The following SLC15A1 variants were observed in gnomAD, a reference collection of about 807,000 sequenced individuals.
SLC15A1 encodes the protein solute carrier family 15 member 1, also known as Caco-2 oligopeptide transporter.
Under a neutral mutation model 92.9 loss-of-function variants are expected in SLC15A1, and 83 were observed. The ratio of observed to expected loss-of-function variants is 0.89; its 90% CI spans 0.75 to 1.07. The LOEUF (loss-of-function observed/expected upper bound fraction) is 1.07, where lower values mean the gene tolerates loss of function less well. Among genes scored for constraint, SLC15A1 ranks in the 50% least tolerant of loss-of-function variants. SLC15A1 has a pLI of 0.00. For missense variants in SLC15A1, 857 were observed against 880.1 expected (o/e 0.97, Z 0.33); for synonymous variants, 322 against 318.2 (o/e 1.01, Z -0.13).
chr13:98,741,750 C>CCTT (rs1383041420), intron 1 of SLC15A1, among the ~76,000 whole-genome samples: 3 of 149,888 alleles, frequency 2.0e-5, no homozygotes, highest in Non-Finnish European at 4.4e-5. Flanking sequence ...AAAAAGGCCT[C>CCTT]CTTTTCCACG....
At position 98,726,357 on chromosome 13, in the gene SLC15A1, A is replaced by G. The variant is rs1203640064; in HGVS notation, c.103+11T>C. The G allele has an allele frequency of 1.9e-6, 3 of 1,614,240 alleles. No individual in the cohort carries two copies. The highest frequency in any genetic ancestry group is 2.2e-5 in the East Asian group (1 of 44,884). The stretch of plus-strand genomic sequence containing the variant: ...CTTCCCTGAAGGGTGAGAAACGGCC[A>G]ATACAGTTACCTCGCATTCCATAGT... On this transcript the variant is annotated intron_variant, in intron 3 of 22. Coordinates refer to ENST00000376503, the MANE Select transcript of SLC15A1 (RefSeq NM_005073.4).
intron 10 of SLC15A1, 83 bp downstream of exon 10, chr13:98,712,415 A>T (rs1183474271): frequency 1.6e-5 from 17 of 1,091,826 alleles, no homozygotes; most frequent in South Asian, 2.6e-5. Flanking sequence ...CATTTTGTCC[A>T]TGTAACCTTA....
chr13:98,698,747 A>C (rs2088043519), intron 18 of SLC15A1, among the ~76,000 whole-genome samples: 5 of 152,172 alleles, frequency 3.3e-5, no homozygotes, highest in Admixed American at 3.3e-4. Context: ...TACATTCGTA[A>C]GTTAATAGAC....
In SLC15A1 at chr13:98,726,214, A is replaced by G. The variant is rs772001248; in HGVS notation, c.154T>C (p.Ser52Pro). The change falls in exon 4 of 23, where the codon TCC becomes CCC. Residue 52 changes from serine (S) to proline (P), a missense_variant. Coordinates refer to ENST00000376503, the MANE Select transcript of SLC15A1 (RefSeq NM_005073.4). ...ACAAACGTATGGTAGATGGCGGTGG[A>G]CAGGTTATCATCCCAGCTGATGAAA... Reference protein sequence around the residue: ...TNFISWDDNLSTAIYHTFVAL... With the variant: ...TNFISWDDNLPTAIYHTFVAL... 1.7e-5 allele frequency: 27 copies of G among 1,614,074 alleles called. 1 individual carries two copies. In the South Asian group the frequency reaches 3.0e-4, roughly 18 times the overall value.
At position 98,715,156 on chromosome 13, in the gene SLC15A1, C is replaced by T. The variant is rs1287824059; in HGVS notation, c.723+722G>A. ...ATCTTTGTACATGAGTCTGTGTTCA[C>T]TTTTTAAATATTTTTTTCTTACTCT... On this transcript the variant is annotated intron_variant, in intron 9 of 22. Transcript: ENST00000376503. 7.2e-5 allele frequency among the ~76,000 whole-genome samples: 11 copies of T among 152,076 alleles called. No homozygotes were observed. The South Asian group carries it at 1.9e-3, about 26-fold the overall frequency.
intron 1 of SLC15A1, among the ~76,000 whole-genome samples, chr13:98,728,798 T>C (rs939393109): frequency 2.0e-5 from 3 of 151,362 alleles, no homozygotes; most frequent in South Asian, 2.1e-4. Flanking sequence ...CTGGCCAACA[T>C]GGTGAACCCC....
chr13:98,692,060 C>A (rs1381379119), intron 18 of SLC15A1, among the ~76,000 whole-genome samples: 1 of 147,914 alleles, frequency 6.8e-6, no homozygotes, highest in African/African-American at 2.5e-5. Flanking sequence ...GCAACAAGAG[C>A]GAAACTCCAT....
At position 98,693,867 on chromosome 13, in the gene SLC15A1, G is replaced by T. The variant is rs1472666644; in HGVS notation, c.1467-5290C>A. Reference sequence around the variant, plus strand: ...AGGGAAAGCGAAGCTTGGGAACAGAGTCACACAATACTGGCTTCCCTTTGT... The same window carrying T: ...AGGGAAAGCGAAGCTTGGGAACAGATTCACACAATACTGGCTTCCCTTTGT... On this transcript the variant is annotated intron_variant, in intron 18 of 22. Coordinates refer to ENST00000376503, the MANE Select transcript of SLC15A1 (RefSeq NM_005073.4). Among the ~76,000 whole-genome samples the T allele has an allele frequency of 2.0e-5, 3 of 152,332 alleles. No homozygotes were observed. In the East Asian group the frequency reaches 5.8e-4, roughly 29 times the overall value.
intron 20 of SLC15A1, 135 bp from the exon 21 acceptor site, chr13:98,687,859 G>C: frequency 9.6e-7 from 1 of 1,036,846 alleles, no homozygotes; most frequent in East Asian, 2.6e-5. Context: ...TTAAACATAA[G>C]GCAACACTGC....
In SLC15A1 at chr13:98,683,935, A is replaced by G. The variant is rs1034361203; in HGVS notation, c.*789T>C. The G allele has an allele frequency of 1.3e-5, 2 of 152,242 alleles. No individual in the cohort carries two copies. The highest frequency in any genetic ancestry group is 2.9e-5 in the Non-Finnish European group (2 of 68,044). 9.4% of individuals were successfully genotyped at this position (152,242 alleles called of 1,614,324 possible). A position where few individuals can be genotyped will look rare whatever the true frequency, so the allele number is the denominator to read the frequency against. ...GAAAAACAAAATAACAAAAACCCAA[A>G]GGTAAAGTTATCAGTTAATACCAGC... On this transcript the variant is annotated 3_prime_UTR_variant, in exon 23 of 23. Transcript: ENST00000376503.
At chr13:98,699,769 A>G (rs1052480625) in intron 18 of SLC15A1, among the ~76,000 whole-genome samples, 2 of 152,200 alleles carry the variant, frequency 1.3e-5, no homozygotes, top group African/African-American at 4.8e-5. Context: ...TATCCTCACC[A>G]ACACTTGGTA....
chr13:98,719,254 A>G lies in SLC15A1; in HGVS notation c.623T>C (p.Leu208Pro). Residue 208 changes from leucine to proline, a missense_variant, in exon 8 of 23, where the codon CTC becomes CCC. Transcript: ENST00000376503. ...CCACTTACTCAGGGCTACAGCCATG[A>G]GAGCAGCAGGAACCCCAAAGGCCAG... Reference protein sequence around the residue: ...YPLAFGVPAALMAVALIVFVL... With the variant: ...YPLAFGVPAAPMAVALIVFVL... 1 of 1,613,544 alleles carries G rather than the reference A, an allele frequency of 6.2e-7. No individual in the cohort carries two copies. Among genetic ancestry groups the G allele is most frequent in the Admixed American group, 1.7e-5 (1 of 60,022 alleles).
intron 6 of SLC15A1, 79 bp from the exon 7 acceptor site, chr13:98,721,664 A>G: frequency 8.0e-7 from 1 of 1,251,950 alleles, no homozygotes; most frequent in Non-Finnish European, 1.1e-6. Flanking sequence ...TCATTTTACT[A>G]CTAACTTAGT....
intron 5 of SLC15A1, among the ~76,000 whole-genome samples, chr13:98,723,153 C>A (rs1223824762): frequency 1.3e-5 from 2 of 152,164 alleles, no homozygotes; most frequent in Non-Finnish European, 2.9e-5. Context: ...CACAGAGCTG[C>A]TCTGTGGGAG....
At chr13:98,718,300 CTTTTTTTTTTTTTTTTTTTT>C (rs532286337) in intron 8 of SLC15A1, among the ~76,000 whole-genome samples, 107 of 84,132 alleles carry the variant, frequency 1.3e-3, no homozygotes, top group South Asian at 2.5e-3. Context: ...TCACCTTCAT[CTTTTTTTTTTTTTTTTTTTT>C]TTTTTTTTTT....
At chr13:98,739,999 T>C (rs1318766421) in intron 1 of SLC15A1, among the ~76,000 whole-genome samples, 6 of 151,626 alleles carry the variant, frequency 4.0e-5, no homozygotes, top group Non-Finnish European at 5.9e-5. Context: ...CCCTCCAGGG[T>C]CAATTACATT....
chr13:98,691,743 A>G (rs924508721), intron 18 of SLC15A1, among the ~76,000 whole-genome samples: 3 of 152,196 alleles, frequency 2.0e-5, no homozygotes, highest in Non-Finnish European at 2.9e-5. Flanking sequence ...ATCTGTAGCC[A>G]GTGATCATAA....
At chr13:98,708,915 C>CATGAGG in intron 14 of SLC15A1, 148 bp from the exon 15 acceptor site, 1 of 482,128 alleles carries the variant, frequency 2.1e-6, no homozygotes, top group Non-Finnish European at 3.7e-6. Flanking sequence ...GTCATGGATT[C>CATGAGG]ATGAGGATTC....
intron 15 of SLC15A1, among the ~76,000 whole-genome samples, chr13:98,707,628 A>G (rs892445914): frequency 6.6e-6 from 1 of 152,164 alleles, no homozygotes; most frequent in African/African-American, 2.4e-5. Context: ...TTAATATGTG[A>G]CCGGGCATGG....
Sources: gnomAD v4.1 joint callset for allele counts (sites outside exome capture counted in the v4.1 genomes callset) on GRCh38, gnomAD v4.1.1 for gene constraint, MANE v1.5 for transcripts, NCBI Gene and HGNC (gene_info 2026-07-23, HGNC 2026-07-21) for gene names.